Variants in GRM5 observed in about 807,000 individuals in gnomAD.
The protein encoded by GRM5 is glutamate metabotropic receptor 5, also known as metabotropic glutamate receptor 5.
In GRM5, 19 loss-of-function variants were observed where a neutral mutation model predicts 83.1. The ratio of observed to expected loss-of-function variants is 0.23; its 90% CI spans 0.16 to 0.34. The LOEUF (loss-of-function observed/expected upper bound fraction) is 0.34. GRM5 is among the 10% of genes least tolerant of loss of function. The pLI, the probability that GRM5 is intolerant of heterozygous loss-of-function variation, is 1.00. For synonymous variants in GRM5, 675 were observed against 633.6 expected, an observed-to-expected ratio of 1.07 and a Z score of -0.98; for missense variants, 1,160 against 1,588.3, an observed-to-expected ratio of 0.73 and a Z score of 4.58.
At chr11:88,999,182 A>G (rs770424241) in intron 2 of GRM5, among the ~76,000 whole-genome samples, 7 of 152,126 alleles carry the variant, frequency 4.6e-5, no homozygotes, top group Admixed American at 1.3e-4. Context: ...GCATGGGCAA[A>G]GACTTCATGT....
At chr11:88,643,824 G>T (rs1939363544) in intron 4 of GRM5, among the ~76,000 whole-genome samples, 1 of 152,090 alleles carries the variant, frequency 6.6e-6, no homozygotes, top group Admixed American at 6.6e-5. Context: ...TCTGAGCTAT[G>T]GCTAAGCCAT....
At chr11:88,931,359 G>A (rs1937699333) in intron 2 of GRM5, among the ~76,000 whole-genome samples, 1 of 151,816 alleles carries the variant, frequency 6.6e-6, no homozygotes, top group Non-Finnish European at 1.5e-5. Context: ...ATAAAAATGA[G>A]AGAAATGACT....
chr11:88,868,120 A>G (rs1944702872), intron 2 of GRM5, among the ~76,000 whole-genome samples: 2 of 151,874 alleles, frequency 1.3e-5, no homozygotes, highest in East Asian at 1.9e-4. Flanking sequence ...TTCTTTAATC[A>G]TATCAGATAT....
chr11:88,626,041 A>G (rs923239810), intron 4 of GRM5, among the ~76,000 whole-genome samples: 6 of 152,030 alleles, frequency 3.9e-5, no homozygotes, highest in African/African-American at 1.4e-4. Context: ...TTACCAGATT[A>G]CCTCACACTA....
At chr11:89,004,036 A>T (rs1291105314) in intron 2 of GRM5, among the ~76,000 whole-genome samples, 1 of 152,218 alleles carries the variant, frequency 6.6e-6, no homozygotes, top group Non-Finnish European at 1.5e-5. Flanking sequence ...AGGGTAGGCA[A>T]GATCAATAGT....
intron 2 of GRM5, among the ~76,000 whole-genome samples, chr11:88,882,607 G>A (rs1346535008): frequency 6.6e-6 from 1 of 150,938 alleles, no homozygotes; most frequent in Non-Finnish European, 1.5e-5. Flanking sequence ...CTCTCATTCA[G>A]CCCCTTGTAA....
chr11:89,058,028 A>G (rs954420214), intron 1 of GRM5, among the ~76,000 whole-genome samples: 15 of 152,238 alleles, frequency 9.9e-5, no homozygotes, highest in African/African-American at 3.4e-4. Context: ...CATGAATCCA[A>G]CTATATTTGG....
rs1565179720 is a variant in GRM5 at position 88,669,548 on chromosome 11, A to G, written c.912-16145T>C. Among the ~76,000 whole-genome samples the G allele has an allele frequency of 1.3e-5, 2 of 152,192 alleles. 1 individual carries two copies. Among genetic ancestry groups the G allele is most frequent in the South Asian group, 4.1e-4 (2 of 4,824 alleles). On this transcript the variant is annotated intron_variant, in intron 3 of 9. Coordinates refer to ENST00000305447, the MANE Select transcript of GRM5 (RefSeq NM_001143831.3). Reference sequence around the variant, plus strand: ...AATAATGCAATTATTTACCTAGAAGATCTGAAATAATCTATAGATATACTA... The same window carrying G: ...AATAATGCAATTATTTACCTAGAAGGTCTGAAATAATCTATAGATATACTA...
chr11:88,600,706 G>A (rs920948411), intron 5 of GRM5, among the ~76,000 whole-genome samples: 1 of 152,202 alleles, frequency 6.6e-6, no homozygotes, highest in Non-Finnish European at 1.5e-5. Context: ...ATTGTCTTCA[G>A]ATGATAATGA....
intron 8 of GRM5, among the ~76,000 whole-genome samples, chr11:88,565,330 A>G (rs1008501454): frequency 1.3e-5 from 2 of 152,214 alleles, no homozygotes; most frequent in African/African-American, 2.4e-5. Context: ...GATAGAAATA[A>G]GGTGCAGAGA....
intron 2 of GRM5, among the ~76,000 whole-genome samples, chr11:88,897,465 T>C (rs1033257366): frequency 4.6e-5 from 7 of 151,928 alleles, no homozygotes; most frequent in African/African-American, 1.7e-4. Context: ...CAACTACTCT[T>C]AATCAGGTAA....
intron 4 of GRM5, among the ~76,000 whole-genome samples, chr11:88,612,031 T>TATGTATAC (rs1423980140): frequency 1.3e-5 from 2 of 151,540 alleles, no homozygotes; most frequent in Admixed American, 1.3e-4. Flanking sequence ...GTTAGTTACA[T>TATGTATAC]ATGTATACAT....
intron 3 of GRM5, among the ~76,000 whole-genome samples, chr11:88,708,169 AGAGT>A (rs1941202772): frequency 6.6e-6 from 1 of 152,120 alleles, no homozygotes; most frequent in South Asian, 2.1e-4. Flanking sequence ...TGACAAGAAA[AGAGT>A]GATTAAGCAG....
chr11:88,911,943 C>T (rs1241257176), intron 2 of GRM5: 10 of 445,904 alleles, frequency 2.2e-5, no homozygotes, highest in African/African-American at 8.1e-5. Context: ...CAATTCTTTG[C>T]TACCCAAGTA....
intron 3 of GRM5, among the ~76,000 whole-genome samples, chr11:88,810,882 A>C (rs1044975302): frequency 5.3e-5 from 8 of 152,180 alleles, no homozygotes; most frequent in African/African-American, 1.9e-4. Flanking sequence ...AGTTCAAAAA[A>C]CTATGTCACA....
intron 2 of GRM5, among the ~76,000 whole-genome samples, chr11:88,984,466 A>G (rs1939630810): frequency 6.6e-6 from 1 of 152,092 alleles, no homozygotes; most frequent in African/African-American, 2.4e-5. Flanking sequence ...ATGTAAGTAC[A>G]CTCTATGATG....
intron 3 of GRM5, among the ~76,000 whole-genome samples, chr11:88,724,411 TAA>T (rs10566733): frequency 0.9 from 133,454 of 148,452 alleles, 59,491 homozygotes; most frequent in Non-Finnish European, 0.97. Flanking sequence ...TACTCCTAAC[TAA>T]CTGCCCTCCA....
In GRM5 at chr11:88,687,561, TTATATATATATATATATAATATA is replaced by T. The variant is rs1362306738; in HGVS notation, c.912-34181_912-34159del. Reference sequence around the variant, plus strand: ...ATACACACACACACACACATATATATTATATATATATATATATAATATATATATATATATATTCTCCACATGTG... The same window carrying T: ...ATACACACACACACACACATATATATTATATATATATATTCTCCACATGTG... On this transcript the variant is annotated intron_variant, in intron 3 of 9. Transcript: ENST00000305447. 6.2e-4 allele frequency among the ~76,000 whole-genome samples: 2 copies of T among 3,250 alleles called. 1 individual carries two copies. Among genetic ancestry groups the T allele is most frequent in the Non-Finnish European group, 2.2e-3 (2 of 898 alleles). 2.1% of individuals were successfully genotyped at this position (3,250 alleles called of 152,430 possible).
rs193260965 is a variant in GRM5, at chr11:88,682,585, G to C, written c.912-29182C>G. ...ATTTTTTTTTTTCTGTTTAAATCTT[G>C]CTTTCCTTCAAGGATATATTCTGGC... On this transcript the variant is annotated intron_variant, in intron 3 of 9. Transcript: ENST00000305447. Among the ~76,000 whole-genome samples the C allele has an allele frequency of 5.1e-3, 776 of 151,172 alleles. 14 individuals carry two copies. The highest frequency in any genetic ancestry group is 0.025 in the Admixed American group (387 of 15,186).
Sources: gnomAD v4.1 joint callset for allele counts (sites outside exome capture counted in the v4.1 genomes callset) on GRCh38, gnomAD v4.1.1 for gene constraint, MANE v1.5 for transcripts, NCBI Gene and HGNC (gene_info 2026-07-23, HGNC 2026-07-21) for gene names.